SCAPER: variants seen among roughly 807,000 people sequenced by gnomAD.
SCAPER encodes the protein S-phase cyclin A associated protein in the ER.
In SCAPER, 98 loss-of-function variants were observed where a neutral mutation model predicts 182.2. That is an observed-to-expected ratio of 0.54 (90% CI 0.46 to 0.64). SCAPER has a LOEUF of 0.64. SCAPER is among the 30% of genes least tolerant of loss of function. The pLI is 0.00. For synonymous variants in SCAPER, 605 were observed against 564.6 expected (o/e 1.07, Z -1.01); for missense variants, 1,432 against 1,690.0 (o/e 0.85, Z 2.68).
chr15:76,536,801 C>G (rs146543819), intron 23 of SCAPER, among the ~76,000 whole-genome samples: 18 of 152,082 alleles, frequency 1.2e-4, no homozygotes, highest in Non-Finnish European at 2.9e-5. Flanking sequence ...TGACATGATT[C>G]TATTATCTAG....
At chr15:76,605,986 G>T (rs528962346) in intron 22 of SCAPER, among the ~76,000 whole-genome samples, 1 of 152,068 alleles carries the variant, frequency 6.6e-6, no homozygotes, top group Non-Finnish European at 1.5e-5. Flanking sequence ...TGGATTCATT[G>T]ATTTTTTGAA....
intron 25 of SCAPER, among the ~76,000 whole-genome samples, chr15:76,445,239 G>A (rs998889544): frequency 1.3e-5 from 2 of 152,036 alleles, no homozygotes; most frequent in South Asian, 2.1e-4. Context: ...TTTCTTTGCC[G>A]AGACTACTTT....
At chr15:76,749,817 C>CA (rs2061990521) in intron 15 of SCAPER, among the ~76,000 whole-genome samples, 1 of 151,782 alleles carries the variant, frequency 6.6e-6, no homozygotes, top group Admixed American at 6.6e-5. Context: ...TCCATAAATT[C>CA]AATGCAAACC....
At chr15:76,835,750 A>T (rs2151741196) in intron 5 of SCAPER, among the ~76,000 whole-genome samples, 1 of 152,262 alleles carries the variant, frequency 6.6e-6, no homozygotes, top group East Asian at 1.9e-4. Flanking sequence ...GAGGAAGTCA[A>T]GCTGTCTCTG....
intron 23 of SCAPER, among the ~76,000 whole-genome samples, chr15:76,564,188 AT>A (rs2046857130): frequency 6.6e-6 from 1 of 152,178 alleles, no homozygotes; most frequent in Non-Finnish European, 1.5e-5. Context: ...AGAGAAAAAA[AT>A]AAAGGACATC....
At chr15:76,889,510 G>A (rs1227062830) in intron 1 of SCAPER, among the ~76,000 whole-genome samples, 1 of 152,078 alleles carries the variant, frequency 6.6e-6, no homozygotes, top group African/African-American at 2.4e-5. Flanking sequence ...AAAAAAAGCA[G>A]GGGTCGCAAT....
intron 25 of SCAPER, among the ~76,000 whole-genome samples, chr15:76,468,352 T>C (rs2049854961): frequency 6.6e-6 from 1 of 152,286 alleles, no homozygotes; most frequent in South Asian, 2.1e-4. Flanking sequence ...GGCAAACTAA[T>C]GTCCCAGGAT....
chr15:76,687,174 C>G (rs376678095), intron 20 of SCAPER, among the ~76,000 whole-genome samples: 10 of 151,844 alleles, frequency 6.6e-5, no homozygotes, highest in African/African-American at 9.7e-5. Context: ...GGCATTCTTT[C>G]CATTTTGAGT....
At chr15:76,681,397 C>T (rs780519944) in intron 20 of SCAPER, among the ~76,000 whole-genome samples, 3 of 152,152 alleles carry the variant, frequency 2.0e-5, no homozygotes, top group Non-Finnish European at 4.4e-5. Flanking sequence ...AATCCAGGCA[C>T]AAGCTATCTG....
intron 22 of SCAPER, among the ~76,000 whole-genome samples, chr15:76,587,962 C>T (rs552818119): frequency 6.6e-6 from 1 of 151,926 alleles, no homozygotes; most frequent in South Asian, 2.1e-4. Flanking sequence ...TGCTCTGTCG[C>T]CCAGGCTGCA....
chr15:76,845,146 A>G (rs1252889278), intron 4 of SCAPER, among the ~76,000 whole-genome samples: 2 of 152,192 alleles, frequency 1.3e-5, no homozygotes, highest in African/African-American at 4.8e-5. Context: ...ATGCATGCTG[A>G]AAAAGTATTT....
At chr15:76,688,777 T>C (rs533760500) in intron 20 of SCAPER, among the ~76,000 whole-genome samples, 1 of 151,884 alleles carries the variant, frequency 6.6e-6, no homozygotes, top group Non-Finnish European at 1.5e-5. Flanking sequence ...TCTGTTCCAT[T>C]GGTCTATATA....
At position 76,774,994 on chromosome 15, in the gene SCAPER, T is replaced by C. The variant is rs373925129; in HGVS notation, c.896A>G (p.Asp299Gly). 15 of 1,613,794 alleles carry C rather than the reference T, an allele frequency of 9.3e-6. No individual in the cohort carries two copies. The African/African-American group carries it at 1.5e-4, about 16-fold the overall frequency. ...TEATRSKDDSDKENVCLLPDE... is the reference protein window; with the variant it reads ...TEATRSKDDSGKENVCLLPDE... The stretch of plus-strand genomic sequence containing the variant: ...AGGTAAAAGACATACATTTTCTTTA[T>C]CACTGTCATCCTTTGATCTTGTGGC... Residue 299 changes from aspartate to glycine, a missense_variant, in exon 9 of 32, where the codon GAT becomes GGT. Physicochemically the swap from Asp to Gly is moderately conservative, Grantham distance 94 (BLOSUM62 -1). Around this residue, in one of 5 missense-constraint regions of SCAPER, gnomAD observed 480 missense variants for 510.2 expected, o/e 0.94. Coordinates refer to ENST00000563290, the MANE Select transcript of SCAPER (RefSeq NM_020843.4).
intron 22 of SCAPER, among the ~76,000 whole-genome samples, chr15:76,614,512 T>C (rs1310166336): frequency 2.0e-5 from 3 of 152,038 alleles, no homozygotes; most frequent in Admixed American, 6.6e-5. Flanking sequence ...TAGAAATTTG[T>C]AACAAAAAAA....
chr15:76,430,809 T>A, intron 26 of SCAPER, among the ~76,000 whole-genome samples: 1 of 151,992 alleles, frequency 6.6e-6, no homozygotes, highest in East Asian at 1.9e-4. Flanking sequence ...GAAGGCATGA[T>A]TGGTTTTGAA....
chr15:76,691,162 T>C (rs1319402975), intron 20 of SCAPER, among the ~76,000 whole-genome samples: 5 of 151,984 alleles, frequency 3.3e-5, no homozygotes, highest in Non-Finnish European at 5.9e-5. Flanking sequence ...TCCAATAGAA[T>C]AAAAATGCTC....
chr15:76,551,336 A>C (rs2045752605), intron 23 of SCAPER, among the ~76,000 whole-genome samples: 1 of 152,162 alleles, frequency 6.6e-6, no homozygotes, highest in Non-Finnish European at 1.5e-5. Context: ...TGGATGGATA[A>C]AAAACTGAGA....
At chr15:76,641,583 C>T (rs901600889) in intron 21 of SCAPER, among the ~76,000 whole-genome samples, 1 of 152,000 alleles carries the variant, frequency 6.6e-6, no homozygotes, top group Non-Finnish European at 1.5e-5. Context: ...GGCCAGATCC[C>T]GCAATACCAA....
At chr15:76,693,056 C>G (rs1401978387) in intron 20 of SCAPER, among the ~76,000 whole-genome samples, 3 of 152,124 alleles carry the variant, frequency 2.0e-5, no homozygotes, top group African/African-American at 7.2e-5. Flanking sequence ...TCTTGTTGCT[C>G]TGTCAATTTT....
Sources: allele counts gnomAD v4.1 joint callset (sites outside exome capture counted in the v4.1 genomes callset), GRCh38; gene constraint gnomAD v4.1.1; regional missense constraint gnomAD v4.1.1; transcripts MANE v1.5; gene names NCBI Gene and HGNC (gene_info 2026-07-23, HGNC 2026-07-21).